Variants in CSMD1 observed in about 807,000 individuals in gnomAD.
CSMD1 encodes CUB and Sushi multiple domains 1.
Under a neutral mutation model 417.5 loss-of-function variants are expected in CSMD1, and 213 were observed. The ratio of observed to expected loss-of-function variants is 0.51; its 90% confidence interval spans 0.46 to 0.57. The LOEUF (loss-of-function observed/expected upper bound fraction) is 0.57, where lower values mean the gene tolerates loss of function less well. Ranked by LOEUF, CSMD1 falls within the 20% of genes least tolerant of loss-of-function variation. The pLI is 0.00. For synonymous variants in CSMD1, 2,862 were observed against 1,736.8 expected, an observed-to-expected ratio of 1.65 and a Z score of -16.11; for missense variants, 6,923 against 4,529.7, an observed-to-expected ratio of 1.53 and a Z score of -15.17.
chr8:3,439,946 C>G (rs1483656106), intron 12 of CSMD1, among the ~76,000 whole-genome samples: 1 of 152,120 alleles, frequency 6.6e-6, no homozygotes, highest in East Asian at 1.9e-4. Context: ...GGCCCCTTTA[C>G]CAAAAACCAG....
At chr8:4,986,425 T>A (rs181449145) in intron 1 of CSMD1, among the ~76,000 whole-genome samples, 2 of 152,198 alleles carry the variant, frequency 1.3e-5, no homozygotes, top group Non-Finnish European at 2.9e-5. Context: ...TTTCTCTAAA[T>A]AGAGGCATAG....
At chr8:3,994,574 C>T (rs553963458) in intron 5 of CSMD1, among the ~76,000 whole-genome samples, 1 of 151,548 alleles carries the variant, frequency 6.6e-6, no homozygotes, top group East Asian at 1.9e-4. Flanking sequence ...TCTGTTAAAG[C>T]AAGGGATTGA....
intron 3 of CSMD1, among the ~76,000 whole-genome samples, chr8:4,171,222 G>C (rs1198106611): frequency 2.6e-5 from 4 of 151,800 alleles, no homozygotes; most frequent in Non-Finnish European, 4.4e-5. Flanking sequence ...TACCCGCAAA[G>C]GTCCAGCTCA....
chr8:3,924,225 G>C (rs1257106999), intron 5 of CSMD1, among the ~76,000 whole-genome samples: 2 of 152,024 alleles, frequency 1.3e-5, no homozygotes, highest in African/African-American at 4.8e-5. Flanking sequence ...TTTTTTCCTG[G>C]TCTTCAGAAA....
intron 3 of CSMD1, among the ~76,000 whole-genome samples, chr8:4,363,960 G>C (rs1801924066): frequency 6.6e-6 from 1 of 152,138 alleles, no homozygotes; most frequent in African/African-American, 2.4e-5. Context: ...AAGAAAGAAT[G>C]AGTAAGACCT....
intron 5 of CSMD1, among the ~76,000 whole-genome samples, chr8:3,990,296 G>GT (rs1204201461): frequency 6.6e-6 from 1 of 152,094 alleles, no homozygotes; most frequent in Non-Finnish European, 1.5e-5. Context: ...TATAGGAAAA[G>GT]TATTTTTCAA....
rs539292205 is a variant in CSMD1 at position 3,840,823 on chromosome 8, G to A, written c.819-86781C>T. On this transcript the variant is annotated intron_variant, in intron 5 of 69. Coordinates refer to ENST00000635120, the MANE Select transcript of CSMD1 (RefSeq NM_033225.6). ...CAATTCTCCTGTCTCAACCTTCCAA[G>A]TAGCTGGGCGCCTGCCACTACGTAC... Among the ~76,000 whole-genome samples, 104 of 151,588 alleles carry A rather than the reference G, an allele frequency of 6.9e-4. 1 individual carries two copies. Among genetic ancestry groups the A allele is most frequent in the Middle Eastern group, 3.4e-3 (1 of 292 alleles).
intron 3 of CSMD1, among the ~76,000 whole-genome samples, chr8:4,310,010 G>C (rs764247222): frequency 1.3e-5 from 2 of 152,096 alleles, no homozygotes; most frequent in Admixed American, 6.5e-5. Context: ...TGGAAAACAC[G>C]CTAAAAGGTA....
At chr8:4,505,248 A>G (rs923419675) in intron 2 of CSMD1, among the ~76,000 whole-genome samples, 8 of 152,214 alleles carry the variant, frequency 5.3e-5, no homozygotes, top group African/African-American at 1.7e-4. Flanking sequence ...TCCTTACTTT[A>G]TGAAAAAATA....
chr8:4,886,744 G>A (rs1203059802), intron 1 of CSMD1, among the ~76,000 whole-genome samples: 2 of 151,710 alleles, frequency 1.3e-5, no homozygotes, highest in Non-Finnish European at 2.9e-5. Context: ...TTCTTTCTAG[G>A]ACTTCTAAAA....
chr8:4,198,482 A>C (rs1413476420), intron 3 of CSMD1, among the ~76,000 whole-genome samples: 2 of 152,264 alleles, frequency 1.3e-5, no homozygotes, highest in Admixed American at 1.3e-4. Context: ...GAAAGAAATC[A>C]CTAGAGGATG....
chr8:3,709,153 A>AT lies in CSMD1; in HGVS notation c.932-663dup, dbSNP rs10646728. Among the ~76,000 whole-genome samples, 565 of 146,170 alleles carry AT rather than the reference A, an allele frequency of 3.9e-3. 7 individuals carry two copies. The highest frequency in any genetic ancestry group is 0.013 in the African/African-American group (525 of 39,508). ...TGCATTAAACATTTTAAGAAGTTTC[A>AT]TTTTTTTTTTTTGGTCACTTACGGA... On this transcript the variant is annotated intron_variant, in intron 6 of 69. Coordinates refer to ENST00000635120, the MANE Select transcript of CSMD1 (RefSeq NM_033225.6).
chr8:2,946,514 C>T (rs984667552), intron 68 of CSMD1, among the ~76,000 whole-genome samples: 1 of 152,150 alleles, frequency 6.6e-6, no homozygotes, highest in Non-Finnish European at 1.5e-5. Context: ...TATCTGGCTT[C>T]CTTCACTTGG....
intron 2 of CSMD1, among the ~76,000 whole-genome samples, chr8:4,426,466 TAC>T (rs1465710699): frequency 2.0e-5 from 3 of 148,284 alleles, no homozygotes; most frequent in Non-Finnish European, 4.5e-5. Context: ...ACATACAGAC[TAC>T]AGTTTATATA....
chr8:3,997,761 A>G, intron 5 of CSMD1, 142 bp downstream of exon 5: 1 of 705,928 alleles, frequency 1.4e-6, no homozygotes, highest in Non-Finnish European at 2.3e-6. Context: ...TAACTTTTCC[A>G]GAGCCAAAAG....
At chr8:3,000,300 T>A (rs953162443) in intron 52 of CSMD1, among the ~76,000 whole-genome samples, 169 bp from the exon 53 acceptor site, 5 of 151,518 alleles carry the variant, frequency 3.3e-5, no homozygotes, top group Non-Finnish European at 5.9e-5. Context: ...CTTTTTTTTA[T>A]TATTTTTTTT....
At chr8:3,591,779 GGATGGATA>G (rs1460935530) in intron 8 of CSMD1, among the ~76,000 whole-genome samples, 11 of 149,574 alleles carry the variant, frequency 7.4e-5, no homozygotes, top group South Asian at 2.2e-4. Flanking sequence ...AGAGATGGAT[GGATGGATA>G]GATGGAAAGA....
intron 59 of CSMD1, among the ~76,000 whole-genome samples, chr8:2,965,553 G>A (rs1400098201): frequency 2.0e-5 from 3 of 152,132 alleles, no homozygotes; most frequent in African/African-American, 4.8e-5. Context: ...CCTGGTTTGT[G>A]ATCCTAAGCC....
intron 3 of CSMD1, among the ~76,000 whole-genome samples, chr8:4,252,560 A>G (rs890477777): frequency 6.6e-6 from 1 of 152,218 alleles, no homozygotes; most frequent in South Asian, 2.1e-4. Flanking sequence ...CCTATGACAG[A>G]AACTGCTACT....
Sources: allele counts gnomAD v4.1 joint callset (sites outside exome capture counted in the v4.1 genomes callset), GRCh38; gene constraint gnomAD v4.1.1; transcripts MANE v1.5; gene names NCBI Gene and HGNC (gene_info 2026-07-23, HGNC 2026-07-21).